Variants in ETV6 observed in about 807,000 individuals in gnomAD.
ETV6 encodes ETS variant transcription factor 6.
In ETV6, 16 loss-of-function variants were observed where a neutral mutation model predicts 51.1. The ratio of observed to expected loss-of-function variants is 0.31; its 90% CI spans 0.21 to 0.48. The LOEUF is 0.48. Ranked by LOEUF, ETV6 falls within the 20% of genes least tolerant of loss-of-function variation. The pLI is 0.99. For missense variants in ETV6, 458 were observed against 594.8 expected, an observed-to-expected ratio of 0.77 and a Z score of 2.39; for synonymous variants, 240 against 224.1, an observed-to-expected ratio of 1.07 and a Z score of -0.64.
intron 2 of ETV6, among the ~76,000 whole-genome samples, chr12:11,765,874 G>A (rs950753156): frequency 6.6e-6 from 1 of 152,214 alleles, no homozygotes; most frequent in Non-Finnish European, 1.5e-5. Context: ...GAGACTGAGG[G>A]GGAAACGAGA....
At chr12:11,812,702 A>G (rs1945932151) in intron 2 of ETV6, among the ~76,000 whole-genome samples, 1 of 152,088 alleles carries the variant, frequency 6.6e-6, no homozygotes, top group Admixed American at 6.5e-5. Context: ...CTAAGTACAC[A>G]TTCCTAGGAC....
chr12:11,804,670 A>C (rs373661487), intron 2 of ETV6, among the ~76,000 whole-genome samples: 1 of 152,252 alleles, frequency 6.6e-6, no homozygotes, highest in South Asian at 2.1e-4. Flanking sequence ...TTCACTCTCC[A>C]TCACCTTTAT....
rs192084774 is a variant in ETV6 at position 11,767,801 on chromosome 12, T to G, written c.163+15222T>G. On this transcript the variant is annotated intron_variant, in intron 2 of 7. Transcript: ENST00000396373. ...TAAGAGCTTGTCTGATGAAGAAGAT[T>G]GCATGAAAAAGCTACACTTTTTTAA... is the stretch of plus-strand genomic sequence containing the variant. Among the ~76,000 whole-genome samples the G allele has an allele frequency of 2.0e-5, 3 of 152,312 alleles. No individual in the cohort carries two copies. The East Asian group carries it at 5.8e-4, about 29-fold the overall frequency.
intron 1 of ETV6, among the ~76,000 whole-genome samples, chr12:11,662,192 T>C (rs1864112443): frequency 6.6e-6 from 1 of 152,148 alleles, no homozygotes; most frequent in Non-Finnish European, 1.5e-5. Context: ...TTTACTTATC[T>C]TTTGGGTGCA....
chr12:11,859,190 G>A (rs1275985076), intron 4 of ETV6, among the ~76,000 whole-genome samples: 1 of 134,884 alleles, frequency 7.4e-6, no homozygotes, highest in African/African-American at 2.9e-5. Context: ...CGCCCAGGCT[G>A]GAGTGCAGTG....
At chr12:11,830,028 G>A (rs535368443) in intron 2 of ETV6, among the ~76,000 whole-genome samples, 6 of 152,136 alleles carry the variant, frequency 3.9e-5, no homozygotes, top group South Asian at 4.2e-4. Context: ...AGAGCAGGCC[G>A]GTGGGGAAGG....
rs1425837656 is a variant in ETV6 at position 11,892,370 on chromosome 12, A to ATTTT, written c.*1327_*1330dup. 5 of 232,160 alleles carry ATTTT rather than the reference A, an allele frequency of 2.2e-5. No individual in the cohort carries two copies. Among genetic ancestry groups the ATTTT allele is most frequent in the East Asian group, 6.0e-5 (1 of 16,560 alleles). 14.4% of individuals were successfully genotyped at this position (232,160 alleles called of 1,614,324 possible). On this transcript the variant is annotated 3_prime_UTR_variant, in exon 8 of 8. Coordinates refer to ENST00000396373, the MANE Select transcript of ETV6 (RefSeq NM_001987.5). ...AGACAGGAAATTCCTCGGATACATT[A>ATTTT]TTTTTTCTTTCTTTCATAGCTGTGT...
rs567914951 is a variant in ETV6, at chr12:11,723,666, A to G, written c.34-28784A>G. On this transcript the variant is annotated intron_variant, in intron 1 of 7. Coordinates refer to ENST00000396373, the MANE Select transcript of ETV6 (RefSeq NM_001987.5). ...CTTAAAAATCAAACAGGGTTTATCT[A>G]TCAGGGTTCCCTTCTCTTCCTTTGT... is the stretch of plus-strand genomic sequence containing the variant. Among the ~76,000 whole-genome samples, 13 of 152,258 alleles carry G rather than the reference A, an allele frequency of 8.5e-5. No homozygotes were observed. In the Middle Eastern group the frequency reaches 0.01, roughly 120 times the overall value.
intron 1 of ETV6, 69 bp from the exon 2 acceptor site, chr12:11,752,381 C>A: frequency 6.4e-7 from 1 of 1,550,560 alleles, no homozygotes. Flanking sequence ...CCGAGATGGT[C>A]TCATACCTCC....
chr12:11,789,920 A>G (rs1269486011), intron 2 of ETV6, among the ~76,000 whole-genome samples: 1 of 152,094 alleles, frequency 6.6e-6, no homozygotes, highest in African/African-American at 2.4e-5. Flanking sequence ...GCTAATCCTG[A>G]TGCTCTTTCA....
At chr12:11,655,080 TG>T (rs1399151500) in intron 1 of ETV6, among the ~76,000 whole-genome samples, 3 of 152,244 alleles carry the variant, frequency 2.0e-5, no homozygotes, top group Admixed American at 2.0e-4. Context: ...GGGGGCAAGG[TG>T]GGGGCACAGG....
At chr12:11,772,925 T>C (rs1321563455) in intron 2 of ETV6, among the ~76,000 whole-genome samples, 1 of 152,190 alleles carries the variant, frequency 6.6e-6, no homozygotes. Flanking sequence ...CCAGGTGCAG[T>C]GGCTCATGCC....
intron 3 of ETV6, among the ~76,000 whole-genome samples, chr12:11,849,618 A>G (rs1408202241): frequency 6.6e-6 from 1 of 152,174 alleles, no homozygotes; most frequent in African/African-American, 2.4e-5. Flanking sequence ...CTAAGAACCA[A>G]AGTACAGGGA....
At chr12:11,850,366 A>G (rs1946533154) in intron 3 of ETV6, among the ~76,000 whole-genome samples, 1 of 152,204 alleles carries the variant, frequency 6.6e-6, no homozygotes, top group South Asian at 2.1e-4. Flanking sequence ...TGAGACGTCC[A>G]GAGAACCCAA....
chr12:11,665,354 G>A (rs924654201), intron 1 of ETV6, among the ~76,000 whole-genome samples: 1 of 152,226 alleles, frequency 6.6e-6, no homozygotes, highest in Non-Finnish European at 1.5e-5. Flanking sequence ...CTGCCTGGCA[G>A]CCAATTTGTC....
At position 11,769,725 on chromosome 12, in the gene ETV6, T is replaced by G. The variant is rs143657669; in HGVS notation, c.163+17146T>G. On this transcript the variant is annotated intron_variant, in intron 2 of 7. Coordinates refer to ENST00000396373, the MANE Select transcript of ETV6 (RefSeq NM_001987.5). Reference sequence around the variant, plus strand: ...ACTCTTGAAATGCTGTGACCAGATCTAGACTGTAACATGCCCCTTCACTCC... The same window carrying G: ...ACTCTTGAAATGCTGTGACCAGATCGAGACTGTAACATGCCCCTTCACTCC... Among the ~76,000 whole-genome samples, 609 of 152,350 alleles carry G rather than the reference T, an allele frequency of 4.0e-3. 2 individuals carry two copies. Among genetic ancestry groups the G allele is most frequent in the African/African-American group, 0.014 (590 of 41,582 alleles).
At chr12:11,705,440 C>T (rs951169346) in intron 1 of ETV6, among the ~76,000 whole-genome samples, 13 of 152,238 alleles carry the variant, frequency 8.5e-5, no homozygotes, top group East Asian at 3.9e-4. Flanking sequence ...GATTTTCGAG[C>T]GGCTTTCGAT....
chr12:11,719,845 T>G (rs1489245906), intron 1 of ETV6, among the ~76,000 whole-genome samples: 1 of 152,232 alleles, frequency 6.6e-6, no homozygotes, highest in Non-Finnish European at 1.5e-5. Flanking sequence ...ACACTGGCTC[T>G]TTCAGCCACT....
chr12:11,781,556 AAT>A (rs1945414289), intron 2 of ETV6, among the ~76,000 whole-genome samples: 1 of 152,212 alleles, frequency 6.6e-6, no homozygotes, highest in Non-Finnish European at 1.5e-5. Flanking sequence ...TTTTTCGTCT[AAT>A]ATGTGCAAAC....
Sources: allele counts gnomAD v4.1 joint callset (sites outside exome capture counted in the v4.1 genomes callset), GRCh38; gene constraint gnomAD v4.1.1; transcripts MANE v1.5; gene names NCBI Gene and HGNC (gene_info 2026-07-23, HGNC 2026-07-21).